Variants in CWC27 observed in about 807,000 individuals in gnomAD.
CWC27 encodes spliceosome-associated protein CWC27 homolog.
A neutral mutation model predicts 63.6 loss-of-function variants in CWC27; 47 were observed. The ratio of observed to expected loss-of-function variants is 0.74; its 90% CI spans 0.58 to 0.94. The LOEUF (loss-of-function observed/expected upper bound fraction) is 0.94, where lower values mean the gene tolerates loss of function less well. Ranked by LOEUF, CWC27 falls within the 40% of genes least tolerant of loss-of-function variation. The pLI, the probability that CWC27 is intolerant of heterozygous loss-of-function variation, is 0.00. For synonymous variants in CWC27, 175 were observed against 179.8 expected (o/e 0.97, Z 0.22); for missense variants, 495 against 554.3 (o/e 0.89, Z 1.07).
intron 1 of CWC27, among the ~76,000 whole-genome samples, chr5:64,772,184 T>C (rs567512029): frequency 9.9e-5 from 15 of 152,264 alleles, no homozygotes; most frequent in African/African-American, 3.4e-4. Flanking sequence ...GGAGGGATGA[T>C]GTAATTAGTG....
At chr5:64,807,620 T>C in intron 10 of CWC27, 1 of 1,535,372 alleles carries the variant, frequency 6.5e-7, no homozygotes. Flanking sequence ...TATGCCTGTA[T>C]CTTGACTACT....
In CWC27 at chr5:64,950,095, T is replaced by C. The variant is rs1354598162; in HGVS notation, c.1043-21608T>C. ...TGATTACATAGTGAAATAATATCTT[T>C]ATATGTTGAATTAAATTTTAAACTT... On this transcript the variant is annotated intron_variant, in intron 11 of 13. Transcript: ENST00000381070. Among the ~76,000 whole-genome samples the C allele has an allele frequency of 2.0e-5, 3 of 152,164 alleles. No individual in the cohort carries two copies. In the East Asian group the frequency reaches 5.8e-4, roughly 29 times the overall value.
chr5:64,851,424 G>C (rs1360658920), intron 10 of CWC27, among the ~76,000 whole-genome samples: 1 of 152,152 alleles, frequency 6.6e-6, no homozygotes, highest in Non-Finnish European at 1.5e-5. Flanking sequence ...GATGCTCACA[G>C]GGTTCAAAAT....
Position 64,807,701 on chromosome 5 carries a change from C to T in CWC27, c.938+3315C>T, listed in dbSNP as rs775957963. On this transcript the variant is annotated intron_variant, in intron 10 of 13. Coordinates refer to ENST00000381070, the MANE Select transcript of CWC27 (RefSeq NM_005869.4). The stretch of plus-strand genomic sequence containing the variant: ...ATTATGGATTTCTAGATTCCAGCCT[C>T]AGCTGTGTCTCCAGTGCTTCCTTAT... The T allele has an allele frequency of 3.3e-6, 5 of 1,535,960 alleles. No individual in the cohort carries two copies. The South Asian group carries it at 5.9e-5, about 18-fold the overall frequency.
At chr5:64,945,887 C>T (rs968356636) in intron 11 of CWC27, among the ~76,000 whole-genome samples, 4 of 152,140 alleles carry the variant, frequency 2.6e-5, no homozygotes, top group Non-Finnish European at 5.9e-5. Flanking sequence ...GAAAAAGAAA[C>T]TTGCTGCATA....
chr5:64,808,024 C>T (rs1006221672), intron 10 of CWC27: 1 of 1,365,724 alleles, frequency 7.3e-7, no homozygotes. Context: ...TCTTGGTCTT[C>T]CTGCTCTGGA....
intron 10 of CWC27, among the ~76,000 whole-genome samples, chr5:64,810,762 AC>A (rs1480957359): frequency 6.6e-6 from 1 of 152,124 alleles, no homozygotes; most frequent in Admixed American, 6.6e-5. Context: ...ACTCCCAAAC[AC>A]ATACCTCCTT....
At chr5:64,942,795 A>G (rs1413842310) in intron 11 of CWC27, among the ~76,000 whole-genome samples, 1 of 152,250 alleles carries the variant, frequency 6.6e-6, no homozygotes, top group Non-Finnish European at 1.5e-5. Context: ...CAGCATAAAT[A>G]TGGCTTTACT....
At chr5:64,970,783 C>A (rs1302577330) in intron 11 of CWC27, among the ~76,000 whole-genome samples, 1 of 151,872 alleles carries the variant, frequency 6.6e-6, no homozygotes, top group East Asian at 1.9e-4. Flanking sequence ...ACCAGAAAAT[C>A]TCTTGAACAA....
chr5:64,789,049 CT>C, intron 7 of CWC27, 29 bp downstream of exon 7: 1 of 1,509,524 alleles, frequency 6.6e-7, no homozygotes, highest in South Asian at 1.2e-5. Flanking sequence ...TTTGTTCTAA[CT>C]TACAAAAGAG....
At chr5:64,982,321 C>T (rs904736184) in intron 13 of CWC27, among the ~76,000 whole-genome samples, 1 of 151,820 alleles carries the variant, frequency 6.6e-6, no homozygotes, top group Non-Finnish European at 1.5e-5. Context: ...GAAATGACAA[C>T]AAATGAATTT....
intron 11 of CWC27, among the ~76,000 whole-genome samples, chr5:64,970,253 C>T (rs1749095631): frequency 6.6e-6 from 1 of 150,664 alleles, no homozygotes; most frequent in Non-Finnish European, 1.5e-5. Context: ...CGCTCTGTCG[C>T]CCAGGCTGGA....
intron 11 of CWC27, among the ~76,000 whole-genome samples, chr5:64,910,135 C>T (rs1296788133): frequency 7.9e-5 from 12 of 152,272 alleles, no homozygotes; most frequent in East Asian, 1.9e-4. Flanking sequence ...TTTTTATTGA[C>T]GTTGATGCTA....
chr5:64,790,659 CT>C (rs936229848), intron 7 of CWC27, among the ~76,000 whole-genome samples: 1 of 152,094 alleles, frequency 6.6e-6, no homozygotes, highest in African/African-American at 2.4e-5. Flanking sequence ...CCTTCTACTA[CT>C]TCTACCTCCC....
At chr5:64,950,516 G>A (rs1005658718) in intron 11 of CWC27, among the ~76,000 whole-genome samples, 3 of 151,774 alleles carry the variant, frequency 2.0e-5, no homozygotes, top group Non-Finnish European at 4.4e-5. Context: ...TACCAAATAC[G>A]GATTTCAGAG....
chr5:64,977,970 C>T (rs1222830400), intron 13 of CWC27, among the ~76,000 whole-genome samples: 1 of 152,182 alleles, frequency 6.6e-6, no homozygotes, highest in Non-Finnish European at 1.5e-5. Context: ...GCCAATGTAT[C>T]ACCCCCTACA....
intron 7 of CWC27, among the ~76,000 whole-genome samples, chr5:64,790,259 C>G (rs1000408973): frequency 6.6e-6 from 1 of 152,152 alleles, no homozygotes; most frequent in African/African-American, 2.4e-5. Context: ...GGAAAGGTCT[C>G]TAGATGTCAA....
At position 64,788,959 on chromosome 5, in the gene CWC27, G is replaced by A. The variant is rs757774900; in HGVS notation, c.608G>A (p.Ser203Asn). 18 of 1,563,952 alleles carry A rather than the reference G, an allele frequency of 1.2e-5. No homozygotes were observed. The highest frequency in any genetic ancestry group is 1.6e-5 in the Non-Finnish European group (18 of 1,155,398). ...TCTTTTTTTTGGACTAGAAATTTTA[G>A]TTTACTTTCATTTGGAGAGGAAGCT... ...KLKPKGTKNF[S>N]LLSFGEEAEE... Residue 203 changes from serine to asparagine, a missense_variant, in exon 7 of 14, where the codon AGT (serine) becomes AAT (asparagine). Physicochemically the swap from Ser to Asn is conservative, Grantham distance 46 (BLOSUM62 1). Coordinates refer to ENST00000381070, the MANE Select transcript of CWC27 (RefSeq NM_005869.4).
intron 11 of CWC27, among the ~76,000 whole-genome samples, chr5:64,920,208 A>C (rs1747971063): frequency 6.6e-6 from 1 of 152,074 alleles, no homozygotes; most frequent in Non-Finnish European, 1.5e-5. Flanking sequence ...ACCTCAGGTA[A>C]TCCTTCTGCC....
Sources: gnomAD v4.1 joint callset for allele counts (sites outside exome capture counted in the v4.1 genomes callset) on GRCh38, gnomAD v4.1.1 for gene constraint, MANE v1.5 for transcripts, NCBI Gene and HGNC (gene_info 2026-07-23, HGNC 2026-07-21) for gene names.